The following SAMMSON variants were observed in gnomAD, a reference collection of about 807,000 sequenced individuals.
SAMMSON encodes the protein long intergenic non-protein coding RNA 1212.
intron 4 of SAMMSON, among the ~76,000 whole-genome samples, chr3:70,152,608 T>G (rs1317075040): frequency 6.6e-6 from 1 of 152,058 alleles, no homozygotes; most frequent in Non-Finnish European, 1.5e-5. Flanking sequence ...TGGGTGGCAA[T>G]GGACTATTTT....
At chr3:70,033,813 G>A (rs112544562) in intron 3 of SAMMSON, among the ~76,000 whole-genome samples, 2 of 152,134 alleles carry the variant, frequency 1.3e-5, no homozygotes, top group African/African-American at 4.8e-5. Context: ...AGTTCAAGTT[G>A]TCATCTAGCT....
chr3:70,102,747 C>T (rs1333890778), intron 4 of SAMMSON, among the ~76,000 whole-genome samples: 2 of 152,134 alleles, frequency 1.3e-5, no homozygotes, highest in Non-Finnish European at 2.9e-5. Context: ...TCTCTAAATG[C>T]GTGCAAACTG....
chr3:70,408,403 G>A (rs182296788), intron 2 of SAMMSON, among the ~76,000 whole-genome samples: 137 of 152,210 alleles, frequency 9.0e-4, no homozygotes, highest in African/African-American at 3.2e-3. Flanking sequence ...TTATAAAACC[G>A]AATACCTTTA....
intron 2 of SAMMSON, among the ~76,000 whole-genome samples, chr3:70,430,212 C>T (rs1701402847): frequency 1.3e-5 from 2 of 152,146 alleles, no homozygotes; most frequent in Non-Finnish European, 2.9e-5. Context: ...TTTTCTGCAT[C>T]TATTGAGATA....
At chr3:70,284,957 G>A (rs539630843) in intron 6 of SAMMSON, among the ~76,000 whole-genome samples, 1 of 152,160 alleles carries the variant, frequency 6.6e-6, no homozygotes, top group African/African-American at 2.4e-5. Context: ...TGCTTTTGAA[G>A]TTTCATTAAC....
At chr3:70,293,275 A>G (rs1380953500) in intron 7 of SAMMSON, among the ~76,000 whole-genome samples, 1 of 152,102 alleles carries the variant, frequency 6.6e-6, no homozygotes, top group Non-Finnish European at 1.5e-5. Context: ...AGTATTACAA[A>G]GAAAAACAAT....
chr3:70,322,631 A>G (rs1371595321), intron 7 of SAMMSON, among the ~76,000 whole-genome samples: 1 of 152,172 alleles, frequency 6.6e-6, no homozygotes, highest in East Asian at 1.9e-4. Context: ...AATAGATTGA[A>G]CTTCAAATAT....
rs1427095221 is a variant in SAMMSON, at chr3:70,288,024, A to G, written n.675-3155A>G. ...CAAAAAACCAGCTCCTGGATTCATT[A>G]ATTTTTTGAAGGGTTTTTTGTGTCT... On this transcript the variant is annotated intron_variant and non_coding_transcript_variant, in intron 6 of 9. Coordinates refer to ENST00000642114, the Ensembl canonical transcript of SAMMSON. Among the ~76,000 whole-genome samples, 149 of 151,286 alleles carry G rather than the reference A, an allele frequency of 9.8e-4. 3 individuals carry two copies. In the South Asian group the frequency reaches 0.021, roughly 22 times the overall value.
intron 4 of SAMMSON, among the ~76,000 whole-genome samples, chr3:70,248,865 A>C (rs1375392853): frequency 6.6e-6 from 1 of 152,102 alleles, no homozygotes; most frequent in Non-Finnish European, 1.5e-5. Flanking sequence ...TTGAAAGGAA[A>C]TCAATTGAAA....
chr3:70,345,486 C>T (rs1342427086), intron 7 of SAMMSON, among the ~76,000 whole-genome samples: 2 of 152,174 alleles, frequency 1.3e-5, no homozygotes, highest in African/African-American at 2.4e-5. Flanking sequence ...GATTCTCTAA[C>T]CTCCTAAATA....
rs567508330 is a variant in SAMMSON, at chr3:70,259,407, A to G, written n.674+9737A>G. On this transcript the variant is annotated intron_variant and non_coding_transcript_variant, in intron 6 of 9. Transcript: ENST00000642114. ...CATGGAATTCCTTGAATAAAAATTT[A>G]TTGACTTTTAAAAAAAAAAAAGAAA... Among the ~76,000 whole-genome samples the G allele has an allele frequency of 2.6e-5, 4 of 151,812 alleles. No homozygotes were observed. The South Asian group carries it at 6.3e-4, about 24-fold the overall frequency.
intron 7 of SAMMSON, among the ~76,000 whole-genome samples, chr3:70,293,631 A>G (rs1702261285): frequency 6.6e-6 from 1 of 152,088 alleles, no homozygotes; most frequent in Non-Finnish European, 1.5e-5. Flanking sequence ...TTTGCCACCA[A>G]ATAAGACATT....
intron 3 of SAMMSON, among the ~76,000 whole-genome samples, chr3:70,036,895 G>A (rs1274306694): frequency 6.6e-6 from 1 of 152,020 alleles, no homozygotes; most frequent in Non-Finnish European, 1.5e-5. Context: ...CTGAATGGAG[G>A]AATCAACTAA....
At chr3:70,210,639 T>C (rs939280659) in intron 4 of SAMMSON, among the ~76,000 whole-genome samples, 1 of 152,148 alleles carries the variant, frequency 6.6e-6, no homozygotes, top group Non-Finnish European at 1.5e-5. Flanking sequence ...AGAAAATTAT[T>C]TTAGAGTTAA....
intron 4 of SAMMSON, among the ~76,000 whole-genome samples, chr3:70,175,070 C>T (rs567499141): frequency 5.3e-5 from 8 of 152,086 alleles, no homozygotes; most frequent in East Asian, 1.9e-4. Context: ...AATTTGTTAT[C>T]GCAATTAATA....
chr3:70,335,255 A>G (rs1027814618), intron 7 of SAMMSON, among the ~76,000 whole-genome samples: 1 of 151,842 alleles, frequency 6.6e-6, no homozygotes, highest in Non-Finnish European at 1.5e-5. Context: ...ATGTTTTACT[A>G]TTTCGTTTCC....
chr3:70,147,161 TA>T (rs1345236520), intron 4 of SAMMSON, among the ~76,000 whole-genome samples: 1 of 151,838 alleles, frequency 6.6e-6, no homozygotes. Flanking sequence ...ATGAAAGAAA[TA>T]AAAAATGAAC....
chr3:70,023,145 C>G (rs773667381), intron 3 of SAMMSON, among the ~76,000 whole-genome samples: 1 of 152,040 alleles, frequency 6.6e-6, no homozygotes, highest in Non-Finnish European at 1.5e-5. Context: ...TTTCCAGTCT[C>G]AAAGACTAGG....
intron 1 of SAMMSON, among the ~76,000 whole-genome samples, chr3:70,005,508 C>T (rs1294978740): frequency 6.6e-6 from 1 of 152,140 alleles, no homozygotes; most frequent in South Asian, 2.1e-4. Context: ...TGGCATCTGG[C>T]TTTCTACATT....
Sources: allele counts gnomAD v4.1 joint callset (sites outside exome capture counted in the v4.1 genomes callset), GRCh38; gene constraint gnomAD v4.1.1; transcripts MANE v1.5; gene names NCBI Gene and HGNC (gene_info 2026-07-23, HGNC 2026-07-21).